The following ZRANB1 variants were observed in gnomAD, a reference collection of about 807,000 sequenced individuals.
ZRANB1 encodes ubiquitin thioesterase ZRANB1.
A neutral mutation model predicts 80.5 loss-of-function variants in ZRANB1; 16 were observed. The observed-to-expected ratio is 0.20, with a 90% CI of 0.13 to 0.30. ZRANB1 has a LOEUF of 0.30. Ranked by LOEUF, ZRANB1 falls within the 10% of genes least tolerant of loss-of-function variation. The probability of loss-of-function intolerance (pLI) is 1.00; values close to 1 mark genes in which losing one functional copy is unlikely to be tolerated. For missense variants in ZRANB1, 576 were observed against 862.6 expected, an observed-to-expected ratio of 0.67 and a Z score of 4.16; for synonymous variants, 291 against 293.1, an observed-to-expected ratio of 0.99 and a Z score of 0.07.
At chr10:124,928,938 G>A in the ZRANB1 span, among the ~76,000 whole-genome samples, 1 of 152,204 alleles carries the variant, frequency 6.6e-6, no homozygotes, top group East Asian at 1.9e-4. Context: ...AGCACCTAAA[G>A]GGAGAATCAT....
intron 1 of ZRANB1, among the ~76,000 whole-genome samples, chr10:124,950,231 TCTC>T (rs1437689074): frequency 4.6e-5 from 7 of 152,058 alleles, no homozygotes; most frequent in African/African-American, 1.7e-4. Flanking sequence ...CTCAAGCAAT[TCTC>T]CTACCTCAGC....
At chr10:124,948,954 C>T (rs1951607498) in intron 1 of ZRANB1, among the ~76,000 whole-genome samples, 1 of 152,112 alleles carries the variant, frequency 6.6e-6, no homozygotes, top group African/African-American at 2.4e-5. Context: ...TGCTTCCTAG[C>T]TCTCTATGTT....
chr10:124,970,493 C>T (rs1278578820), intron 2 of ZRANB1, among the ~76,000 whole-genome samples: 4 of 152,054 alleles, frequency 2.6e-5, no homozygotes, highest in Non-Finnish European at 5.9e-5. Flanking sequence ...AATTCCTGAG[C>T]TCAAATGATC....
intron 1 of ZRANB1, among the ~76,000 whole-genome samples, chr10:124,949,413 A>G (rs1210449910): frequency 6.7e-6 from 1 of 149,338 alleles, no homozygotes; most frequent in Non-Finnish European, 1.5e-5. Flanking sequence ...CTATGTATAC[A>G]CATATATATG....
intron 2 of ZRANB1, among the ~76,000 whole-genome samples, chr10:124,970,942 A>G (rs1951820709): frequency 7.1e-6 from 1 of 140,884 alleles, no homozygotes; most frequent in Non-Finnish European, 1.5e-5. Context: ...GGTTCAAGTG[A>G]TTCTCATGCC....
chr10:124,973,786 G>T, intron 4 of ZRANB1, 70 bp downstream of exon 4: 1 of 1,316,406 alleles, frequency 7.6e-7, no homozygotes, highest in Middle Eastern at 1.9e-4. Flanking sequence ...GTAAGGCATG[G>T]TGTAGTTTGG....
chr10:124,964,337 A>G (rs1355634450), intron 1 of ZRANB1, among the ~76,000 whole-genome samples: 1 of 152,202 alleles, frequency 6.6e-6, no homozygotes, highest in Non-Finnish European at 1.5e-5. Flanking sequence ...CCCAGTGCTC[A>G]TTAACTTCTA....
the ZRANB1 span, among the ~76,000 whole-genome samples, chr10:124,922,537 G>A: frequency 6.7e-6 from 1 of 149,216 alleles, no homozygotes; most frequent in South Asian, 2.1e-4. Context: ...CTGTTACCCA[G>A]GCTGGAGTAC....
At chr10:124,935,481 C>T in the ZRANB1 span, among the ~76,000 whole-genome samples, 12,374 of 152,206 alleles carry the variant, frequency 0.081, 694 homozygotes, top group Admixed American at 0.16. Flanking sequence ...ATTGGAAGGC[C>T]TGGTGTCATA....
At chr10:124,945,606 A>G (rs553238711) in intron 1 of ZRANB1, 2 of 151,714 alleles carry the variant, frequency 1.3e-5, no homozygotes, top group Non-Finnish European at 2.9e-5. Flanking sequence ...CTTCATTTCA[A>G]CCCCCGGTTG....
At chr10:124,924,185 T>G in the ZRANB1 span, among the ~76,000 whole-genome samples, 432 of 152,082 alleles carry the variant, frequency 2.8e-3, 3 homozygotes, top group African/African-American at 0.01. Context: ...ACTGCAGGCT[T>G]GATGAGCCTC....
intron 5 of ZRANB1, among the ~76,000 whole-genome samples, chr10:124,978,793 A>ATTTTT (rs35714295): frequency 8.7e-6 from 1 of 115,440 alleles, no homozygotes; most frequent in African/African-American, 3.2e-5. Flanking sequence ...TTCCCAGCTA[A>ATTTTT]TTTTTTTTTT....
At chr10:124,936,985 CG>C in the ZRANB1 span, among the ~76,000 whole-genome samples, 4 of 151,936 alleles carry the variant, frequency 2.6e-5, no homozygotes, top group Non-Finnish European at 4.4e-5. Flanking sequence ...GACAGAGTCT[CG>C]CCGGGCCGCC....
intron 6 of ZRANB1, among the ~76,000 whole-genome samples, chr10:124,982,079 T>C (rs1442383414): frequency 6.6e-6 from 1 of 152,170 alleles, no homozygotes; most frequent in East Asian, 1.9e-4. Flanking sequence ...GAGTAACGTG[T>C]TTTTATATCG....
chr10:124,965,992 C>G (rs946659120), intron 1 of ZRANB1, among the ~76,000 whole-genome samples: 2 of 152,024 alleles, frequency 1.3e-5, no homozygotes, highest in African/African-American at 4.8e-5. Context: ...CCAATTTTTA[C>G]GTTATTAATA....
intron 1 of ZRANB1, among the ~76,000 whole-genome samples, chr10:124,946,989 G>A (rs1951590911): frequency 6.6e-6 from 1 of 152,116 alleles, no homozygotes. Context: ...TTTAAAGTTG[G>A]AAAAAAATTG....
At chr10:124,938,073 C>T (rs557265638), upstream of ZRANB1, among the ~76,000 whole-genome samples, 2 of 152,186 alleles carry the variant, frequency 1.3e-5, no homozygotes, top group East Asian at 1.9e-4. Context: ...TTTACTTGGG[C>T]GTATGAATAT....
chr10:124,978,792 A>G (rs74733032), intron 5 of ZRANB1, among the ~76,000 whole-genome samples: 3 of 63,262 alleles, frequency 4.7e-5, no homozygotes, highest in African/African-American at 1.5e-4. Flanking sequence ...ATTCCCAGCT[A>G]ATTTTTTTTT....
chr10:124,975,656 C>A (rs1210160138), intron 5 of ZRANB1, among the ~76,000 whole-genome samples: 1 of 152,184 alleles, frequency 6.6e-6, no homozygotes, highest in Non-Finnish European at 1.5e-5. Flanking sequence ...GCATGAGCCA[C>A]CGTGCCCGGC....
Sources: allele counts gnomAD v4.1 joint callset (sites outside exome capture counted in the v4.1 genomes callset), GRCh38; gene constraint gnomAD v4.1.1; transcripts MANE v1.5; gene names NCBI Gene and HGNC (gene_info 2026-07-23, HGNC 2026-07-21).